LAMA3: variants seen among roughly 807,000 people sequenced by gnomAD.
LAMA3 encodes the protein laminin subunit alpha 3.
Under a neutral mutation model 402.0 loss-of-function variants are expected in LAMA3, and 281 were observed. The ratio of observed to expected loss-of-function variants is 0.70; its 90% CI spans 0.63 to 0.77. The LOEUF is 0.77. LAMA3 is among the 30% of genes least tolerant of loss of function. The pLI is 0.00. For missense variants in LAMA3, 3,840 were observed against 4,215.5 expected (o/e 0.91, Z 2.47); for synonymous variants, 1,431 against 1,558.4 (o/e 0.92, Z 1.93).
intron 67 of LAMA3, among the ~76,000 whole-genome samples, chr18:23,936,835 A>G (rs1271322312): frequency 6.6e-6 from 1 of 152,212 alleles, no homozygotes; most frequent in African/African-American, 2.4e-5. Flanking sequence ...TGGAGAAAGG[A>G]GACTAGAGAG....
intron 32 of LAMA3, among the ~76,000 whole-genome samples, chr18:23,853,556 G>A (rs891598676): frequency 6.6e-6 from 1 of 152,202 alleles, no homozygotes; most frequent in Non-Finnish European, 1.5e-5. Context: ...ACAGGCATGA[G>A]CCACTGCACC....
In LAMA3 at chr18:23,737,492, G is replaced by A. The variant is rs146834545; in HGVS notation, c.448-10451G>A. On this transcript the variant is annotated intron_variant, in intron 2 of 74. Coordinates refer to ENST00000313654, the MANE Select transcript of LAMA3 (RefSeq NM_198129.4). ...GTTCTGCTATGAAAGATGCCTGCTG[G>A]GGTCCTTGGAAGAGCCAGAACATTT... 4.0e-3 allele frequency among the ~76,000 whole-genome samples: 606 copies of A among 152,304 alleles called. 14 individuals are homozygous for A. Among genetic ancestry groups the A allele is most frequent in the Admixed American group, 0.037 (560 of 15,306 alleles).
intron 4 of LAMA3, 21 bp from the exon 5 acceptor site, chr18:23,750,897 A>ATG (rs1410432546): frequency 6.2e-7 from 1 of 1,613,654 alleles, no homozygotes; most frequent in Non-Finnish European, 8.5e-7. Context: ...TTCCCCCTTT[A>ATG]TGTGTGTGTG....
At chr18:23,704,263 G>T (rs1026705189) in intron 1 of LAMA3, among the ~76,000 whole-genome samples, 1 of 152,210 alleles carries the variant, frequency 6.6e-6, no homozygotes, top group Non-Finnish European at 1.5e-5. Flanking sequence ...GGTGTATATA[G>T]AGTCATATAA....
chr18:23,793,039 G>A (rs2062690621), intron 12 of LAMA3, among the ~76,000 whole-genome samples: 3 of 152,106 alleles, frequency 2.0e-5, no homozygotes, highest in African/African-American at 2.4e-5. Context: ...CATCAGGGTC[G>A]GTTTGGAGGC....
chr18:23,816,572 G>A, intron 18 of LAMA3, 85 bp downstream of exon 18: 1 of 1,104,548 alleles, frequency 9.1e-7, no homozygotes, highest in Non-Finnish European at 1.4e-6. Context: ...CTCTGGAGAA[G>A]AGAGAAGCAG....
chr18:23,737,476 T>C (rs1489284096), intron 2 of LAMA3, among the ~76,000 whole-genome samples: 1 of 152,216 alleles, frequency 6.6e-6, no homozygotes, highest in African/African-American at 2.4e-5. Context: ...TGTTCTGCTA[T>C]GAAAGATGCC....
intron 2 of LAMA3, among the ~76,000 whole-genome samples, chr18:23,742,278 T>C (rs2061576958): frequency 6.6e-6 from 1 of 152,182 alleles, no homozygotes; most frequent in African/African-American, 2.4e-5. Context: ...GTTCAAAATG[T>C]CAGTGTCAGG....
At chr18:23,924,196 G>A (rs1349876327) in intron 62 of LAMA3, among the ~76,000 whole-genome samples, 1 of 152,134 alleles carries the variant, frequency 6.6e-6, no homozygotes, top group African/African-American at 2.4e-5. Flanking sequence ...CTGTCACCCA[G>A]GCTGGAGTTC....
intron 12 of LAMA3, among the ~76,000 whole-genome samples, chr18:23,807,579 G>T (rs1004107897): frequency 1.1e-4 from 16 of 151,992 alleles, no homozygotes; most frequent in African/African-American, 2.2e-4. Flanking sequence ...TCCAAAATCT[G>T]CAAGGTAGGC....
intron 1 of LAMA3, among the ~76,000 whole-genome samples, chr18:23,693,917 GTGC>G (rs934279709): frequency 3.0e-4 from 46 of 152,348 alleles, no homozygotes; most frequent in African/African-American, 1.1e-3. Flanking sequence ...GCCTATGGTT[GTGC>G]TACATACATG....
rs562702999 is a variant in LAMA3 at position 23,814,617 on chromosome 18, T to A, written c.1888+115T>A. On this transcript the variant is annotated intron_variant, in intron 15 of 74. Transcript: ENST00000313654. ...GTTGAATCACTTCAATTTGACAAGATTCTATGTAATGTTCTGATGTTTTCC... is the reference window on the plus strand; with the variant it reads ...GTTGAATCACTTCAATTTGACAAGAATCTATGTAATGTTCTGATGTTTTCC... The A allele has an allele frequency of 8.1e-6, 6 of 736,922 alleles. No homozygotes were observed. The Middle Eastern group carries it at 1.4e-3, about 172-fold the overall frequency. 45.6% of individuals were successfully genotyped at this position (736,922 alleles called of 1,614,324 possible). A position where few individuals can be genotyped will look rare whatever the true frequency, so the allele number is the denominator to read the frequency against.
At chr18:23,805,018 G>A (rs929674489) in intron 12 of LAMA3, among the ~76,000 whole-genome samples, 4 of 152,168 alleles carry the variant, frequency 2.6e-5, no homozygotes, top group African/African-American at 9.7e-5. Context: ...CCTAGCCCCA[G>A]GTATTTCTTT....
Position 23,824,564 on chromosome 18 carries a change from T to C in LAMA3, c.2570T>C (p.Leu857Pro). 1 of 1,613,990 alleles carries C rather than the reference T, an allele frequency of 6.2e-7. No homozygotes were observed. Among genetic ancestry groups the C allele is most frequent in the Non-Finnish European group, 8.5e-7 (1 of 1,179,874 alleles). Reference sequence around the variant, plus strand: ...TGTATTAAGGCAGAAGGAGTCCTTCTGGTAAGACTTAGTTCTGAATGGAGA... The same window carrying C: ...TGTATTAAGGCAGAAGGAGTCCTTCCGGTAAGACTTAGTTCTGAATGGAGA... ...VACIKAEGVL[L>P]DYLVLLPRDY... The change falls in exon 21 of 75, where the codon CTG becomes CCG. Residue 857 changes from leucine to proline, a missense_variant and splice_region_variant. By Grantham distance (98) the Leu-to-Pro change is moderately conservative. Around this residue, in one of 3 missense-constraint regions of LAMA3, gnomAD observed 2,109 missense variants for 2,376.0 expected, o/e 0.89. Coordinates refer to ENST00000313654, the MANE Select transcript of LAMA3 (RefSeq NM_198129.4).
intron 32 of LAMA3, among the ~76,000 whole-genome samples, chr18:23,850,256 C>G (rs558310047): frequency 6.6e-6 from 1 of 152,218 alleles, no homozygotes; most frequent in Non-Finnish European, 1.5e-5. Flanking sequence ...AAGCATTCAA[C>G]TTTATCATAC....
chr18:23,845,247 T>C, intron 30 of LAMA3, 123 bp downstream of exon 30: 1 of 698,508 alleles, frequency 1.4e-6, no homozygotes, highest in Non-Finnish European at 2.6e-6. Context: ...CCCAAGAGAG[T>C]GTCAGTGAGT....
chr18:23,810,555 C>T, intron 13 of LAMA3, 52 bp downstream of exon 13: 1 of 1,605,938 alleles, frequency 6.2e-7, no homozygotes, highest in Middle Eastern at 1.7e-4. Flanking sequence ...GAAGTGTGTG[C>T]AGCCAGCCTC....
In LAMA3 at chr18:23,946,458, C is replaced by G. The variant is rs1361009384; in HGVS notation, c.9351+174C>G. The stretch of plus-strand genomic sequence containing the variant: ...TAGAGTAAGTGCCCATTTCTTAACC[C>G]AAAGCCTTCATTTCTAAGGTGCAGG... On this transcript the variant is annotated intron_variant, in intron 70 of 74. Coordinates refer to ENST00000313654, the MANE Select transcript of LAMA3 (RefSeq NM_198129.4). 7.9e-6 allele frequency: 6 copies of G among 756,282 alleles called. No individual in the cohort carries two copies. In the African/African-American group the frequency reaches 1.0e-4, roughly 13 times the overall value. 46.8% of individuals were successfully genotyped at this position (756,282 alleles called of 1,614,324 possible).
At chr18:23,894,232 A>G in intron 42 of LAMA3, 66 bp from the exon 43 acceptor site, 3 of 1,299,920 alleles carry the variant, frequency 2.3e-6, no homozygotes, top group Non-Finnish European at 3.4e-6. Context: ...TCTGAAAACC[A>G]AGTTAAAGAG....
Sources: gnomAD v4.1 joint callset for allele counts (sites outside exome capture counted in the v4.1 genomes callset) on GRCh38, gnomAD v4.1.1 for gene constraint, gnomAD v4.1.1 regional missense constraint, MANE v1.5 for transcripts, NCBI Gene and HGNC (gene_info 2026-07-23, HGNC 2026-07-21) for gene names.